FUCA1: variants seen among roughly 807,000 people sequenced by gnomAD.
The protein encoded by FUCA1 is alpha-L-fucosidase 1.
In FUCA1, 52 loss-of-function variants were observed where a neutral mutation model predicts 56.8. The ratio of observed to expected loss-of-function variants is 0.92; its 90% confidence interval spans 0.73 to 1.15. The LOEUF (loss-of-function observed/expected upper bound fraction) is 1.15, where lower values mean the gene tolerates loss of function less well. Ranked by LOEUF, FUCA1 falls within the 50% of genes most tolerant of loss-of-function variation. The pLI is 0.00. For synonymous variants in FUCA1, 230 were observed against 226.6 expected, an observed-to-expected ratio of 1.02 and a Z score of -0.14; for missense variants, 568 against 592.6, an observed-to-expected ratio of 0.96 and a Z score of 0.43.
At chr1:23,860,664 T>G (rs575969979) in intron 3 of FUCA1, among the ~76,000 whole-genome samples, 2 of 149,994 alleles carry the variant, frequency 1.3e-5, no homozygotes, top group African/African-American at 4.9e-5. Flanking sequence ...TTTTTGAGAC[T>G]GTTTTGCTTT....
chr1:23,865,451 A>G (rs1187777568), intron 2 of FUCA1, 40 bp downstream of exon 2: 2 of 1,613,830 alleles, frequency 1.2e-6, no homozygotes, highest in Non-Finnish European at 1.7e-6. Flanking sequence ...TGACAGCCAG[A>G]TCCAAAGAGA....
intron 5 of FUCA1, among the ~76,000 whole-genome samples, chr1:23,849,061 G>A (rs2148438947): frequency 6.6e-6 from 1 of 151,898 alleles, no homozygotes; most frequent in East Asian, 1.9e-4. Flanking sequence ...TCGGCTCACT[G>A]CAACCTCCAC....
At chr1:23,852,667 G>A (rs1639288563) in intron 5 of FUCA1, among the ~76,000 whole-genome samples, 1 of 152,082 alleles carries the variant, frequency 6.6e-6, no homozygotes, top group Non-Finnish European at 1.5e-5. Flanking sequence ...TGGTGGAGAC[G>A]GGGTTTCGCT....
chr1:23,863,025 T>G (rs1448750522), intron 3 of FUCA1, 109 bp downstream of exon 3: 2 of 1,137,978 alleles, frequency 1.8e-6, no homozygotes, highest in Non-Finnish European at 2.6e-6. Context: ...TATTTTGATG[T>G]CTTTTAGGTT....
intron 3 of FUCA1, among the ~76,000 whole-genome samples, chr1:23,861,650 T>C (rs1395237365): frequency 2.0e-5 from 3 of 152,226 alleles, no homozygotes; most frequent in African/African-American, 7.2e-5. Context: ...CTGAGCCCTA[T>C]AAGGCATGTA....
chr1:23,850,238 C>T (rs1041790408), intron 5 of FUCA1, among the ~76,000 whole-genome samples: 9 of 150,510 alleles, frequency 6.0e-5, no homozygotes, highest in African/African-American at 2.0e-4. Context: ...ATCACTTGAA[C>T]CCGGGAGGTG....
At chr1:23,852,327 G>C (rs1639278808) in intron 5 of FUCA1, among the ~76,000 whole-genome samples, 2 of 151,892 alleles carry the variant, frequency 1.3e-5, no homozygotes, top group African/African-American at 4.8e-5. Flanking sequence ...AGGCTGAGGT[G>C]GGAGGACCAC....
chr1:23,868,034 C>G lies in FUCA1; in HGVS notation c.253G>C (p.Gly85Arg). The G allele has an allele frequency of 6.2e-7, 1 of 1,609,918 alleles. No individual in the cohort carries two copies. The highest frequency in any genetic ancestry group is 8.5e-7 in the Non-Finnish European group (1 of 1,179,006). The stretch of plus-strand genomic sequence containing the variant: ...ATGAAGCGCTGGTACTGCGGCCGCC[C>G]CTCGCCCTGCCAGTGCCACCAGAAC... ...EWFWWHWQGE[G>R]RPQYQRFMRD... Residue 85 changes from glycine to arginine, a missense_variant, in exon 1 of 8, where the codon GGG (glycine) becomes CGG (arginine). By Grantham distance (125) the Gly-to-Arg change is moderately radical. Coordinates refer to ENST00000374479, the MANE Select transcript of FUCA1 (RefSeq NM_000147.5).
Position 23,865,564 on chromosome 1 carries a change from A to C in FUCA1, c.451T>G (p.Trp151Gly). 1 of 1,614,202 alleles carries C rather than the reference A, an allele frequency of 6.2e-7. No homozygotes were observed. Among genetic ancestry groups the C allele is most frequent in the Non-Finnish European group, 8.5e-7 (1 of 1,180,048 alleles). Residue 151 changes from tryptophan (W) to glycine (G), a missense_variant, in exon 2 of 8, where the codon TGG becomes GGG. Trp to Gly is a radical substitution (Grantham distance 184, BLOSUM62 -2). Transcript: ENST00000374479. ...CCCACGTCTTTGGAGTTCCAGTTCC[A>C]AGACACAGGACTCGGCCAGTTTGTG... ...GFTNWPSPVS[W>G]NWNSKDVGPH...
chr1:23,845,812 T>C lies in FUCA1; in HGVS notation c.1304A>G (p.Asp435Gly). 1 of 1,614,164 alleles carries C rather than the reference T, an allele frequency of 6.2e-7. No homozygotes were observed. Residue 435 changes from aspartate (D) to glycine (G), a missense_variant, in exon 8 of 8, where the codon GAT becomes GGT. By Grantham distance (94) the Asp-to-Gly change is moderately conservative. Coordinates refer to ENST00000374479, the MANE Select transcript of FUCA1 (RefSeq NM_000147.5). ...AGAGATGAAGAGACCTTTATCTGGATCTGTGGACCACTTCAGATCTCCTTG... is the reference window on the plus strand; with the variant it reads ...AGAGATGAAGAGACCTTTATCTGGACCTGTGGACCACTTCAGATCTCCTTG... ...GIQGDLKWSTDPDKGLFISLP... is the reference protein window; with the variant it reads ...GIQGDLKWSTGPDKGLFISLP...
intron 2 of FUCA1, among the ~76,000 whole-genome samples, chr1:23,864,897 G>A (rs1369041286): frequency 6.6e-6 from 1 of 151,936 alleles, no homozygotes; most frequent in Non-Finnish European, 1.5e-5. Flanking sequence ...TAGAGACAGG[G>A]TTTCACCATA....
In FUCA1 at chr1:23,846,812, C is replaced by A. The variant is rs1639153261; in HGVS notation, c.1161-639G>T. On this transcript the variant is annotated intron_variant, in intron 6 of 7. Transcript: ENST00000374479. The stretch of plus-strand genomic sequence containing the variant: ...GGCCAGACTGGTCTTGAACTCCTGA[C>A]CTCAGGTGATCCACCCGCCTCGGCC... 1.3e-5 allele frequency among the ~76,000 whole-genome samples: 2 copies of A among 152,136 alleles called. 1 individual carries two copies. Among genetic ancestry groups the A allele is most frequent in the South Asian group, 4.1e-4 (2 of 4,830 alleles).
chr1:23,864,412 A>T (rs1441603698), intron 2 of FUCA1, among the ~76,000 whole-genome samples: 1 of 152,172 alleles, frequency 6.6e-6, no homozygotes, highest in East Asian at 1.9e-4. Context: ...TAACGTACAC[A>T]AAATGAAATG....
At chr1:23,863,917 TGTCA>T (rs1042544104) in intron 2 of FUCA1, among the ~76,000 whole-genome samples, 7 of 152,094 alleles carry the variant, frequency 4.6e-5, no homozygotes, top group African/African-American at 1.7e-4. Context: ...ATGTCTTCCC[TGTCA>T]ATCATAAAAT....
At chr1:23,851,312 C>T (rs1050100905) in intron 5 of FUCA1, among the ~76,000 whole-genome samples, 4 of 151,926 alleles carry the variant, frequency 2.6e-5, no homozygotes, top group South Asian at 2.1e-4. Flanking sequence ...TGCAGCAGAC[C>T]GAGATCGCAC....
chr1:23,860,924 C>A lies in FUCA1; in HGVS notation c.663-1021G>T, dbSNP rs115549671. On this transcript the variant is annotated intron_variant, in intron 3 of 7. Transcript: ENST00000374479. ...AAAGTGCTGGGATTTCAGGCATGAGCCACTGTGCCTGCCCTAATCTTTTTT... is the reference window on the plus strand; with the variant it reads ...AAAGTGCTGGGATTTCAGGCATGAGACACTGTGCCTGCCCTAATCTTTTTT... Among the ~76,000 whole-genome samples, 1,095 of 151,968 alleles carry A rather than the reference C, an allele frequency of 7.2e-3. 3 individuals are homozygous for A. The highest frequency in any genetic ancestry group is 0.01 in the Middle Eastern group (3 of 294).
chr1:23,845,802 T>C lies in FUCA1; in HGVS notation c.1314A>G (p.Lys438=), dbSNP rs369620505. ...GDLKWSTDPD[K]GLFISLPQLP... ...ACTGGGGTAGAGAGATGAAGAGACC[T>C]TTATCTGGATCTGTGGACCACTTCA... Residue 438 remains lysine (K), a synonymous_variant, in exon 8 of 8, where the codon AAA becomes AAG. Coordinates refer to ENST00000374479, the MANE Select transcript of FUCA1 (RefSeq NM_000147.5). The C allele has an allele frequency of 6.2e-7, 1 of 1,614,194 alleles. No homozygotes were observed. Among genetic ancestry groups the C allele is most frequent in the Non-Finnish European group, 8.5e-7 (1 of 1,179,992 alleles).
rs138765570 is a variant in FUCA1 at position 23,855,981 on chromosome 1, T to C, written c.769-1421A>G. On this transcript the variant is annotated intron_variant, in intron 4 of 7. Transcript: ENST00000374479. Reference sequence around the variant, plus strand: ...CAGAGACTAGCAGAGGAGACAGATATGTGGACAATTACAATATGACATCAT... The same window carrying C: ...CAGAGACTAGCAGAGGAGACAGATACGTGGACAATTACAATATGACATCAT... Among the ~76,000 whole-genome samples the C allele has an allele frequency of 2.9e-3, 435 of 152,262 alleles. 1 individual carries two copies. The highest frequency in any genetic ancestry group is 1.0e-2 in the African/African-American group (415 of 41,554).
At chr1:23,855,107 C>CAAA (rs769987268) in intron 4 of FUCA1, among the ~76,000 whole-genome samples, 2 of 130,240 alleles carry the variant, frequency 1.5e-5, no homozygotes, top group African/African-American at 5.7e-5. Context: ...CAATCCCACT[C>CAAA]AAAAAAAAAA....
Sources: allele counts gnomAD v4.1 joint callset (sites outside exome capture counted in the v4.1 genomes callset), GRCh38; gene constraint gnomAD v4.1.1; transcripts MANE v1.5; gene names NCBI Gene and HGNC (gene_info 2026-07-23, HGNC 2026-07-21).